The following GPR39 variants were observed in gnomAD, a reference collection of about 807,000 sequenced individuals.
GPR39 encodes the protein zinc sensing receptor.
Under a neutral mutation model 18.4 loss-of-function variants are expected in GPR39, and 23 were observed. That is an observed-to-expected ratio of 1.25 (90% CI 0.90 to 1.77). The LOEUF (loss-of-function observed/expected upper bound fraction) is 1.77, where lower values mean the gene tolerates loss of function less well. Among genes scored for constraint, GPR39 ranks in the 40% most tolerant of loss-of-function variants. The pLI, the probability that GPR39 is intolerant of heterozygous loss-of-function variation, is 0.00. For synonymous variants in GPR39, 280 were observed against 257.9 expected (o/e 1.09, Z -0.82); for missense variants, 647 against 602.4 (o/e 1.07, Z -0.78).
chr2:132,431,198 G>A (rs1280350185), intron 1 of GPR39, among the ~76,000 whole-genome samples: 2 of 152,136 alleles, frequency 1.3e-5, no homozygotes, highest in African/African-American at 4.8e-5. Context: ...TTTGAAACTT[G>A]GCCTGGAAAA....
At chr2:132,540,239 G>A (rs1034583373) in intron 1 of GPR39, among the ~76,000 whole-genome samples, 5 of 142,672 alleles carry the variant, frequency 3.5e-5, no homozygotes, top group Non-Finnish European at 7.6e-5. Flanking sequence ...GTCATACTAA[G>A]CCCTGCACAA....
intron 1 of GPR39, among the ~76,000 whole-genome samples, chr2:132,519,834 A>G (rs1253443084): frequency 6.6e-6 from 1 of 152,174 alleles, no homozygotes; most frequent in Non-Finnish European, 1.5e-5. Context: ...ATAGGTAGCT[A>G]TCAGATTCCT....
chr2:132,583,212 G>A (rs1357698023), intron 1 of GPR39, among the ~76,000 whole-genome samples: 2 of 151,944 alleles, frequency 1.3e-5, no homozygotes, highest in African/African-American at 2.4e-5. Context: ...CTCACAAGTA[G>A]TACCTACTGT....
At chr2:132,512,354 C>T (rs1679255864) in intron 1 of GPR39, among the ~76,000 whole-genome samples, 1 of 152,148 alleles carries the variant, frequency 6.6e-6, no homozygotes, top group African/African-American at 2.4e-5. Context: ...AAGAGATACT[C>T]ACGGAGAGAT....
chr2:132,438,609 G>A (rs1465693387), intron 1 of GPR39, among the ~76,000 whole-genome samples: 1 of 57,808 alleles, frequency 1.7e-5, no homozygotes, highest in Non-Finnish European at 3.6e-5. Context: ...ACATTTTTTT[G>A]AGTGTTGTAG....
chr2:132,546,195 C>G (rs1290817608), intron 1 of GPR39, among the ~76,000 whole-genome samples: 3 of 152,106 alleles, frequency 2.0e-5, no homozygotes, highest in African/African-American at 7.2e-5. Flanking sequence ...CAGAATCACT[C>G]CCAGGGCTTG....
intron 1 of GPR39, among the ~76,000 whole-genome samples, chr2:132,468,725 A>T (rs1198442916): frequency 6.6e-6 from 1 of 152,128 alleles, no homozygotes; most frequent in Non-Finnish European, 1.5e-5. Context: ...GTGGTTACAG[A>T]TGGAAGGTGG....
In GPR39 at chr2:132,549,707, G is replaced by C. The variant is rs937383979; in HGVS notation, c.857-95394G>C. On this transcript the variant is annotated intron_variant, in intron 1 of 1. Coordinates refer to ENST00000329321, the MANE Select transcript of GPR39 (RefSeq NM_001508.3). The stretch of plus-strand genomic sequence containing the variant: ...GGAGGCTGAGGCAGGAGAATCGCTT[G>C]AACCCAGGAGGCGGAGGTTGCAGTG... 2.4e-4 allele frequency among the ~76,000 whole-genome samples: 36 copies of C among 152,204 alleles called. 1 individual carries two copies. The highest frequency in any genetic ancestry group is 8.2e-4 in the African/African-American group (34 of 41,552).
chr2:132,498,972 GA>G (rs1205189398), intron 1 of GPR39, among the ~76,000 whole-genome samples: 1 of 152,128 alleles, frequency 6.6e-6, no homozygotes, highest in Non-Finnish European at 1.5e-5. Flanking sequence ...TCCTTTGTCG[GA>G]TGTATGGATT....
At chr2:132,497,902 A>G (rs575560391) in intron 1 of GPR39, among the ~76,000 whole-genome samples, 8 of 152,172 alleles carry the variant, frequency 5.3e-5, no homozygotes, top group Non-Finnish European at 8.8e-5. Context: ...AGATTCCTCT[A>G]TGACTGTGCC....
At chr2:132,627,755 C>T (rs147336343) in intron 1 of GPR39, among the ~76,000 whole-genome samples, 2 of 152,276 alleles carry the variant, frequency 1.3e-5, no homozygotes, top group Non-Finnish European at 1.5e-5. Flanking sequence ...AAAGGAGCCT[C>T]GGCCGTGGGG....
At chr2:132,513,980 G>A (rs1043106941) in intron 1 of GPR39, among the ~76,000 whole-genome samples, 1 of 152,208 alleles carries the variant, frequency 6.6e-6, no homozygotes, top group Non-Finnish European at 1.5e-5. Flanking sequence ...GCTGGTTTGA[G>A]TAGCTTCTTT....
At chr2:132,541,412 A>T (rs1378403578) in intron 1 of GPR39, among the ~76,000 whole-genome samples, 1 of 152,178 alleles carries the variant, frequency 6.6e-6, no homozygotes, top group Non-Finnish European at 1.5e-5. Context: ...AACAAGCCTG[A>T]GCCTGGGCTG....
At chr2:132,493,273 G>GTATACCATA (rs1205179496) in intron 1 of GPR39, among the ~76,000 whole-genome samples, 2 of 129,454 alleles carry the variant, frequency 1.5e-5, no homozygotes, top group Non-Finnish European at 3.2e-5. Flanking sequence ...TACCATATAT[G>GTATACCATA]TATACCATAT....
chr2:132,630,439 CA>C (rs1035016588), intron 1 of GPR39, among the ~76,000 whole-genome samples: 1 of 152,088 alleles, frequency 6.6e-6, no homozygotes, highest in African/African-American at 2.4e-5. Flanking sequence ...GTGTGAGGAG[CA>C]GGTACAGCAA....
rs997991777 is a variant in GPR39 at position 132,644,889 on chromosome 2, C to T, written c.857-212C>T. Reference sequence around the variant, plus strand: ...AGCATTTAATGGTCTTTCTTTAACACAGCCAACTCCCCCGGGTTTGAAACA... The same window carrying T: ...AGCATTTAATGGTCTTTCTTTAACATAGCCAACTCCCCCGGGTTTGAAACA... On this transcript the variant is annotated intron_variant, in intron 1 of 1. Coordinates refer to ENST00000329321, the MANE Select transcript of GPR39 (RefSeq NM_001508.3). The T allele has an allele frequency of 5.1e-6, 3 of 585,910 alleles. No homozygotes were observed. The African/African-American group carries it at 5.7e-5, about 11-fold the overall frequency. 36.3% of individuals were successfully genotyped at this position (585,910 alleles called of 1,614,324 possible).
chr2:132,552,816 G>A lies in GPR39; in HGVS notation c.857-92285G>A, dbSNP rs201951968. Reference sequence around the variant, plus strand: ...TATATATGTGTGTGTGTGTGTGTGTGTGTATGTATATATATACATATATAT... The same window carrying A: ...TATATATGTGTGTGTGTGTGTGTGTATGTATGTATATATATACATATATAT... On this transcript the variant is annotated intron_variant, in intron 1 of 1. Coordinates refer to ENST00000329321, the MANE Select transcript of GPR39 (RefSeq NM_001508.3). Among the ~76,000 whole-genome samples the A allele has an allele frequency of 4.4e-4, 60 of 134,848 alleles. 1 individual carries two copies. Among genetic ancestry groups the A allele is most frequent in the Admixed American group, 4.1e-3 (52 of 12,614 alleles). 88.5% of individuals were successfully genotyped at this position (134,848 alleles called of 152,430 possible). A position where few individuals can be genotyped will look rare whatever the true frequency, so the allele number is the denominator to read the frequency against.
intron 1 of GPR39, among the ~76,000 whole-genome samples, chr2:132,633,313 CCTTAT>C (rs1445336857): frequency 1.3e-5 from 2 of 149,852 alleles, no homozygotes; most frequent in South Asian, 4.2e-4. Flanking sequence ...TTTTTCCACT[CCTTAT>C]CTTTAAACTC....
chr2:132,456,142 T>C (rs1223742550), intron 1 of GPR39, among the ~76,000 whole-genome samples: 1 of 152,200 alleles, frequency 6.6e-6, no homozygotes, highest in African/African-American at 2.4e-5. Flanking sequence ...AGGCCTTGCT[T>C]TATGGATCTG....
Sources: gnomAD v4.1 joint callset for allele counts (sites outside exome capture counted in the v4.1 genomes callset) on GRCh38, gnomAD v4.1.1 for gene constraint, MANE v1.5 for transcripts, NCBI Gene and HGNC (gene_info 2026-07-23, HGNC 2026-07-21) for gene names.